TJP1: variants seen among roughly 807,000 people sequenced by gnomAD.
TJP1 encodes tight junction protein 1, also known as tight junction protein ZO-1.
TJP1 carries 43 observed loss-of-function variants against 194.2 expected under a neutral mutation model. That is an observed-to-expected ratio of 0.22 (90% CI 0.17 to 0.29). The LOEUF (loss-of-function observed/expected upper bound fraction) is 0.29. TJP1 is among the 10% of genes least tolerant of loss of function. The pLI, the probability that TJP1 is intolerant of heterozygous loss-of-function variation, is 1.00. For missense variants in TJP1, 1,971 were observed against 2,185.7 expected (o/e 0.90, Z 1.96); for synonymous variants, 801 against 779.0 (o/e 1.03, Z -0.47).
In TJP1 at chr15:29,718,834, C is replaced by A; in HGVS notation, c.3308G>T (p.Arg1103Leu). 6.2e-7 allele frequency: 1 copy of A among 1,614,062 alleles called. No homozygotes were observed. Among genetic ancestry groups the A allele is most frequent in the Non-Finnish European group, 8.5e-7 (1 of 1,180,026 alleles). The stretch of plus-strand genomic sequence containing the variant: ...AGAGTGCTGATTATCAAAAGGTGGC[C>A]GAGATGGGTAGGGCTGTTTGTCATC... ...YYDDKQPYPS[R>L]PPFDNQHSQD... is the part of the protein sequence containing the mutation. Residue 1103 changes from arginine (R) to leucine (L), a missense_variant, in exon 21 of 28, where the codon CGG becomes CTG. Arg to Leu is a moderately radical substitution (Grantham distance 102). This residue lies in a region of TJP1 where 1,108 missense variants were observed against 1,128.5 expected (regional missense o/e 0.98). Coordinates refer to ENST00000614355, the MANE Select transcript of TJP1 (RefSeq NM_001330239.4).
chr15:29,734,209 TA>T (rs2043862364), intron 12 of TJP1, 64 bp downstream of exon 12: 1 of 1,132,434 alleles, frequency 8.8e-7, no homozygotes, highest in African/African-American at 1.6e-5. Context: ...AAAAATGGAA[TA>T]AATCCCTTTG....
intron 18 of TJP1, among the ~76,000 whole-genome samples, chr15:29,723,954 T>C (rs571036046): frequency 1.2e-3 from 181 of 152,340 alleles, no homozygotes; most frequent in African/African-American, 4.2e-3. Flanking sequence ...TCATGAGAGC[T>C]GAAGGATCTG....
At chr15:29,858,665 T>C (rs2051956147) in intron 2 of TJP1, among the ~76,000 whole-genome samples, 1 of 151,796 alleles carries the variant, frequency 6.6e-6, no homozygotes, top group Non-Finnish European at 1.5e-5. Context: ...CACCTCAGCC[T>C]CCGAGTAGCT....
rs536977423 is a variant in TJP1 at position 29,715,455 on chromosome 15, A to C, written c.4202+1156T>G. The stretch of plus-strand genomic sequence containing the variant: ...CTTAGAAAAAAGCAGTGGTAATTAA[A>C]ATTAGGTTTTAATGTTAGTGGTTTT... On this transcript the variant is annotated intron_variant, in intron 23 of 27. Coordinates refer to ENST00000614355, the MANE Select transcript of TJP1 (RefSeq NM_001330239.4). 2.0e-5 allele frequency among the ~76,000 whole-genome samples: 3 copies of C among 152,322 alleles called. No homozygotes were observed. In the South Asian group the frequency reaches 6.2e-4, roughly 32 times the overall value.
chr15:29,949,605 CCACCTT>C (rs1396287841), intron 2 of TJP1, among the ~76,000 whole-genome samples: 153 of 78,600 alleles, frequency 1.9e-3, no homozygotes, highest in Middle Eastern at 8.8e-3. Flanking sequence ...ACCACCACCT[CCACCTT>C]CACCACCACC....
intron 2 of TJP1, among the ~76,000 whole-genome samples, chr15:29,916,797 A>G (rs1533860): frequency 0.16 from 24,571 of 152,224 alleles, 2,266 homozygotes; most frequent in East Asian, 0.32. Context: ...AACTAACTCA[A>G]GTTAATTTTA....
In TJP1 at chr15:29,726,405, G is replaced by T. The variant is rs1292032242; in HGVS notation, c.2386C>A (p.Gln796Lys). ...LKEAIQQQQN[Q>K]LVWVSEGKAD... ...TTTCCCTCGGAAACCCATACCAGCT[G>T]GTTTTGCTGTTGTTGAATTGCTTCT... The change falls in exon 18 of 28, where the codon CAG (glutamine) becomes AAG (lysine). Residue 796 changes from glutamine (Q) to lysine (K), a missense_variant. This residue lies in a region of TJP1 where 402 missense variants were observed against 484.2 expected (regional missense o/e 0.83). Transcript: ENST00000614355. The T allele has an allele frequency of 1.2e-6, 2 of 1,614,046 alleles. No homozygotes were observed. Among genetic ancestry groups the T allele is most frequent in the Non-Finnish European group, 1.7e-6 (2 of 1,179,984 alleles).
chr15:29,787,139 A>G (rs1436974175), intron 2 of TJP1, among the ~76,000 whole-genome samples: 2 of 152,192 alleles, frequency 1.3e-5, no homozygotes, highest in Non-Finnish European at 2.9e-5. Flanking sequence ...TATAATTCAT[A>G]TATCATAAAT....
chr15:29,833,321 G>A (rs899816814), intron 2 of TJP1, among the ~76,000 whole-genome samples: 1 of 152,044 alleles, frequency 6.6e-6, no homozygotes, highest in Non-Finnish European at 1.5e-5. Flanking sequence ...AGTATCATTA[G>A]CAAAATACTA....
chr15:29,743,920 C>T (rs570424497), intron 8 of TJP1, among the ~76,000 whole-genome samples: 83 of 152,278 alleles, frequency 5.5e-4, no homozygotes, highest in African/African-American at 1.9e-3. Context: ...GTAGCTCATG[C>T]CTGTATTCCC....
chr15:29,950,191 C>A (rs796998605), intron 2 of TJP1, among the ~76,000 whole-genome samples: 122 of 137,524 alleles, frequency 8.9e-4, no homozygotes, highest in African/African-American at 3.1e-3. Flanking sequence ...CCTCCACCAC[C>A]ACCACCACTT....
At chr15:29,915,148 T>C (rs542812215) in intron 2 of TJP1, among the ~76,000 whole-genome samples, 2 of 152,238 alleles carry the variant, frequency 1.3e-5, no homozygotes, top group African/African-American at 4.8e-5. Flanking sequence ...TTTCCAGGTG[T>C]CCTTAAGTCC....
At chr15:29,780,166 A>AT (rs1037712740) in intron 2 of TJP1, among the ~76,000 whole-genome samples, 10 of 152,132 alleles carry the variant, frequency 6.6e-5, no homozygotes, top group Admixed American at 2.0e-4. Context: ...ATCCAAGTAC[A>AT]TTACATTTAT....
At chr15:29,815,427 G>A (rs537294329) in intron 1 of TJP1, among the ~76,000 whole-genome samples, 26 of 152,212 alleles carry the variant, frequency 1.7e-4, no homozygotes, top group Non-Finnish European at 3.8e-4. Context: ...AATATTCCAG[G>A]AGGATCATTC....
chr15:29,828,173 G>C (rs1023365953), intron 2 of TJP1, among the ~76,000 whole-genome samples: 1 of 152,122 alleles, frequency 6.6e-6, no homozygotes, highest in Non-Finnish European at 1.5e-5. Context: ...ACAGAGGAGA[G>C]AGAGAATATA....
At chr15:29,814,278 A>G (rs1446207317) in intron 1 of TJP1, among the ~76,000 whole-genome samples, 1 of 152,236 alleles carries the variant, frequency 6.6e-6, no homozygotes, top group African/African-American at 2.4e-5. Context: ...TTTTAAGAGT[A>G]AACAATGCAA....
intron 18 of TJP1, among the ~76,000 whole-genome samples, chr15:29,725,895 C>T (rs765198262): frequency 2.0e-5 from 3 of 152,134 alleles, no homozygotes; most frequent in South Asian, 2.1e-4. Flanking sequence ...CCAGTGGGTA[C>T]GAGGATACTC....
intron 2 of TJP1, among the ~76,000 whole-genome samples, chr15:29,784,369 G>A (rs576865408): frequency 8.1e-4 from 123 of 151,888 alleles, no homozygotes; most frequent in African/African-American, 2.9e-3. Context: ...GCTTGATCTC[G>A]GCTCACTGCA....
intron 2 of TJP1, among the ~76,000 whole-genome samples, chr15:29,787,032 T>C (rs1401015998): frequency 6.6e-6 from 1 of 152,194 alleles, no homozygotes; most frequent in African/African-American, 2.4e-5. Flanking sequence ...AAAGGGAGTG[T>C]ATCTTAGATT....
Sources: gnomAD v4.1 joint callset for allele counts (sites outside exome capture counted in the v4.1 genomes callset) on GRCh38, gnomAD v4.1.1 for gene constraint, gnomAD v4.1.1 regional missense constraint, MANE v1.5 for transcripts, NCBI Gene and HGNC (gene_info 2026-07-23, HGNC 2026-07-21) for gene names.